HOOK3: variants seen among roughly 807,000 people sequenced by gnomAD.
HOOK3 encodes protein Hook homolog 3.
In HOOK3, 24 loss-of-function variants were observed where a neutral mutation model predicts 116.3. The observed-to-expected ratio is 0.21, with a 90% CI of 0.15 to 0.29. HOOK3 has a LOEUF of 0.29. Among genes scored for constraint, HOOK3 ranks in the 10% least tolerant of loss-of-function variants. HOOK3 has a pLI of 1.00. For missense variants in HOOK3, 632 were observed against 830.2 expected, an observed-to-expected ratio of 0.76 and a Z score of 2.93; for synonymous variants, 275 against 283.0, an observed-to-expected ratio of 0.97 and a Z score of 0.28.
intron 1 of HOOK3, among the ~76,000 whole-genome samples, chr8:42,904,097 ATACACT>A (rs1420531135): frequency 6.6e-6 from 1 of 152,230 alleles, no homozygotes; most frequent in Admixed American, 6.5e-5. Context: ...TAAAATGTTC[ATACACT>A]TTTTGACCTA....
chr8:42,953,229 G>A (rs1808373372), intron 6 of HOOK3, among the ~76,000 whole-genome samples: 2 of 143,280 alleles, frequency 1.4e-5, no homozygotes, highest in East Asian at 2.1e-4. Flanking sequence ...AGTTGATCCT[G>A]TAATTCTACT....
chr8:42,984,249 T>A (rs527369066), intron 14 of HOOK3, among the ~76,000 whole-genome samples: 16 of 151,596 alleles, frequency 1.1e-4, no homozygotes, highest in African/African-American at 3.4e-4. Context: ...ATGCCGGTAA[T>A]CCCAGCTACT....
At chr8:42,989,237 T>C (rs761918575) in intron 15 of HOOK3, among the ~76,000 whole-genome samples, 1 of 152,200 alleles carries the variant, frequency 6.6e-6, no homozygotes, top group Non-Finnish European at 1.5e-5. Flanking sequence ...AATCTCAAGC[T>C]CACCCTGTCC....
chr8:42,997,494 G>GA, intron 15 of HOOK3, 56 bp from the exon 16 acceptor site: 2 of 1,045,744 alleles, frequency 1.9e-6, no homozygotes, highest in Non-Finnish European at 2.9e-6. Flanking sequence ...ACAACCTAGG[G>GA]AAAAAAGGCA....
intron 2 of HOOK3, among the ~76,000 whole-genome samples, chr8:42,909,876 A>G (rs1807388904): frequency 6.6e-6 from 1 of 152,226 alleles, no homozygotes; most frequent in Non-Finnish European, 1.5e-5. Flanking sequence ...CTTATGTGGA[A>G]TCTAAAACAA....
In HOOK3 at chr8:43,008,030, A is replaced by T. The variant is rs962143723; in HGVS notation, c.1738+101A>T. On this transcript the variant is annotated intron_variant, in intron 18 of 21. Coordinates refer to ENST00000307602, the MANE Select transcript of HOOK3 (RefSeq NM_032410.4). Reference sequence around the variant, plus strand: ...TTTTAATTATTTATTTTTTATTTTTATTTTTTTTGAGATGAAGTCTCACTC... The same window carrying T: ...TTTTAATTATTTATTTTTTATTTTTTTTTTTTTTGAGATGAAGTCTCACTC... The T allele has an allele frequency of 6.0e-6, 3 of 497,752 alleles. No individual in the cohort carries two copies. The African/African-American group carries it at 6.1e-5, about 10-fold the overall frequency. 30.8% of individuals were successfully genotyped at this position (497,752 alleles called of 1,614,324 possible).
At chr8:42,936,799 T>G (rs1807979901) in intron 4 of HOOK3, among the ~76,000 whole-genome samples, 1 of 152,198 alleles carries the variant, frequency 6.6e-6, no homozygotes, top group Admixed American at 6.5e-5. Context: ...TGTCAGTATT[T>G]TATTGAGGAT....
chr8:42,932,312 G>T (rs1283758024), intron 4 of HOOK3, among the ~76,000 whole-genome samples: 1 of 152,024 alleles, frequency 6.6e-6, no homozygotes, highest in East Asian at 1.9e-4. Context: ...TAGAAGAGGT[G>T]ATTGGTTTTG....
chr8:42,911,096 G>C (rs1807418095), intron 2 of HOOK3, among the ~76,000 whole-genome samples: 1 of 152,206 alleles, frequency 6.6e-6, no homozygotes, highest in African/African-American at 2.4e-5. Flanking sequence ...GGGTGGGCAT[G>C]GTACAGATCA....
At chr8:42,948,175 C>A (rs1333215206) in intron 5 of HOOK3, among the ~76,000 whole-genome samples, 1 of 152,098 alleles carries the variant, frequency 6.6e-6, no homozygotes, top group Non-Finnish European at 1.5e-5. Context: ...ATACTTCCTA[C>A]CTGTGAGAGG....
intron 1 of HOOK3, among the ~76,000 whole-genome samples, chr8:42,903,204 G>A (rs1186719354): frequency 1.3e-5 from 2 of 152,072 alleles, no homozygotes; most frequent in African/African-American, 2.4e-5. Context: ...TTCCCAAATA[G>A]ACACTTAAGT....
intron 4 of HOOK3, among the ~76,000 whole-genome samples, chr8:42,942,785 T>C (rs1264853977): frequency 6.6e-6 from 1 of 152,224 alleles, no homozygotes; most frequent in Admixed American, 6.5e-5. Flanking sequence ...CACTGTAGGA[T>C]TGTCAGGCAG....
chr8:43,008,626 AATTTTTATTTTT>A lies in HOOK3; in HGVS notation c.1738+728_1738+739del, dbSNP rs71550438. On this transcript the variant is annotated intron_variant, in intron 18 of 21. Transcript: ENST00000307602. ...GAGCAACCATACCTGGCCTATATTAAATTTTTATTTTTATTTTTATTTTTATTTTTATTTTTA... is the reference window on the plus strand; with the variant it reads ...GAGCAACCATACCTGGCCTATATTAAATTTTTATTTTTATTTTTATTTTTA... Among the ~76,000 whole-genome samples the A allele has an allele frequency of 7.0e-3, 997 of 143,316 alleles. 7 individuals are homozygous for A. The highest frequency in any genetic ancestry group is 0.025 in the Middle Eastern group (7 of 278). The allele number at this position is 143,316 out of a possible 152,430, so 94.0% of individuals were successfully genotyped here.
At chr8:42,936,247 G>A (rs1262192047) in intron 4 of HOOK3, among the ~76,000 whole-genome samples, 1 of 152,214 alleles carries the variant, frequency 6.6e-6, no homozygotes, top group Non-Finnish European at 1.5e-5. Context: ...TTTGTATCCT[G>A]AGACTTTGCT....
chr8:42,965,139 A>G (rs1808609965), intron 9 of HOOK3, among the ~76,000 whole-genome samples: 1 of 152,264 alleles, frequency 6.6e-6, no homozygotes. Context: ...TGATCACCAG[A>G]AAGATTAAAT....
intron 15 of HOOK3, among the ~76,000 whole-genome samples, chr8:42,993,803 A>G (rs1220874960): frequency 6.6e-6 from 1 of 152,148 alleles, no homozygotes; most frequent in East Asian, 1.9e-4. Context: ...GTTGCTCATA[A>G]TAACCAGTAA....
chr8:42,989,038 G>A (rs1213337178), intron 15 of HOOK3, among the ~76,000 whole-genome samples: 3 of 152,176 alleles, frequency 2.0e-5, no homozygotes, highest in South Asian at 4.1e-4. Context: ...AAAGTCTGTC[G>A]TAGACCTCTG....
chr8:42,966,747 T>C (rs1808639963), intron 10 of HOOK3, 134 bp downstream of exon 10: 7 of 810,316 alleles, frequency 8.6e-6, no homozygotes, highest in Non-Finnish European at 1.2e-5. Flanking sequence ...ATGCAACCTC[T>C]GTATGGCTGT....
At chr8:42,902,975 C>A (rs1006629585) in intron 1 of HOOK3, among the ~76,000 whole-genome samples, 1 of 152,204 alleles carries the variant, frequency 6.6e-6, no homozygotes. Context: ...GGGCCATTGA[C>A]TTGGCAACTG....
Sources: gnomAD v4.1 joint callset for allele counts (sites outside exome capture counted in the v4.1 genomes callset) on GRCh38, gnomAD v4.1.1 for gene constraint, MANE v1.5 for transcripts, NCBI Gene and HGNC (gene_info 2026-07-23, HGNC 2026-07-21) for gene names.